SMAD7: variants seen among roughly 807,000 people sequenced by gnomAD.
SMAD7 encodes MAD (mothers against decapentaplegic, Drosophila) homolog 7.
Under a neutral mutation model 38.7 loss-of-function variants are expected in SMAD7, and 8 were observed. The observed-to-expected ratio is 0.21, with a 90% CI of 0.12 to 0.37. The LOEUF (loss-of-function observed/expected upper bound fraction) is 0.37, where lower values mean the gene tolerates loss of function less well. Among genes scored for constraint, SMAD7 ranks in the 10% least tolerant of loss-of-function variants. The pLI is 1.00. For synonymous variants in SMAD7, 327 were observed against 265.1 expected (o/e 1.23, Z -2.27); for missense variants, 477 against 577.9 (o/e 0.83, Z 1.79).
Position 48,942,516 on chromosome 18 carries a change from C to T in SMAD7, c.707G>A (p.Gly236Glu). ...PDAVPSSAET[G>E]GTNYLAPGGL... ...CCCAGGGGCCAGATAATTCGTTCCC[C>T]CTGTTTCAGCGGAGGAAGGCACAGC... Residue 236 changes from glycine to glutamate, a missense_variant, in exon 3 of 4, where the codon GGG (glycine) becomes GAG (glutamate). Physicochemically the swap from Gly to Glu is moderately conservative, Grantham distance 98. Coordinates refer to ENST00000262158, the MANE Select transcript of SMAD7 (RefSeq NM_005904.4). 1 of 1,607,518 alleles carries T rather than the reference C, an allele frequency of 6.2e-7. No individual in the cohort carries two copies. The highest frequency in any genetic ancestry group is 8.5e-7 in the Non-Finnish European group (1 of 1,177,756).
chr18:48,944,480 C>A (rs893795412), intron 2 of SMAD7, among the ~76,000 whole-genome samples: 1 of 152,208 alleles, frequency 6.6e-6, no homozygotes, highest in Non-Finnish European at 1.5e-5. Flanking sequence ...GATTTACAAA[C>A]GTTAATTAAG....
At chr18:48,925,920 G>A (rs1056308777) in intron 3 of SMAD7, among the ~76,000 whole-genome samples, 1 of 152,064 alleles carries the variant, frequency 6.6e-6, no homozygotes, top group Non-Finnish European at 1.5e-5. Context: ...CTAATTTTTT[G>A]TATTTTTAGT....
At chr18:48,923,128 A>G (rs1050233856) in intron 3 of SMAD7, among the ~76,000 whole-genome samples, 1 of 152,144 alleles carries the variant, frequency 6.6e-6, no homozygotes, top group African/African-American at 2.4e-5. Flanking sequence ...ATTTGTTAAC[A>G]AAAATGGGGA....
intron 2 of SMAD7, among the ~76,000 whole-genome samples, chr18:48,947,364 G>T (rs2337108): frequency 0.049 from 7,436 of 152,186 alleles, 231 homozygotes; most frequent in South Asian, 0.092. Flanking sequence ...TTTAATTAGT[G>T]GGGGGAAAGG....
intron 3 of SMAD7, among the ~76,000 whole-genome samples, chr18:48,930,358 T>C (rs2069983046): frequency 1.3e-5 from 2 of 151,744 alleles, no homozygotes; most frequent in South Asian, 2.1e-4. Context: ...AAGCCCCCAC[T>C]CCCTCTGGCG....
chr18:48,948,492 A>C, intron 1 of SMAD7, 55 bp from the exon 2 acceptor site: 2 of 1,258,416 alleles, frequency 1.6e-6, no homozygotes, highest in Non-Finnish European at 2.3e-6. Context: ...AGAGAGATAG[A>C]AACTTATGAT....
intron 3 of SMAD7, among the ~76,000 whole-genome samples, chr18:48,926,738 G>A (rs879798998): frequency 6.6e-6 from 1 of 152,192 alleles, no homozygotes; most frequent in Non-Finnish European, 1.5e-5. Flanking sequence ...TCCCTCCTCA[G>A]GACCCAGGCG....
intron 3 of SMAD7, among the ~76,000 whole-genome samples, chr18:48,929,137 C>T (rs376759733): frequency 6.6e-6 from 1 of 152,106 alleles, no homozygotes; most frequent in Non-Finnish European, 1.5e-5. Flanking sequence ...TGCATGCAGT[C>T]GAATCATTTC....
intron 3 of SMAD7, among the ~76,000 whole-genome samples, chr18:48,925,752 C>CTT (rs36113382): frequency 2.0e-4 from 30 of 148,008 alleles, no homozygotes; most frequent in African/African-American, 7.5e-4. Context: ...AAATGTTTTT[C>CTT]TTTTTTTTTT....
chr18:48,938,000 A>C (rs1041003649), intron 3 of SMAD7, among the ~76,000 whole-genome samples: 1 of 152,216 alleles, frequency 6.6e-6, no homozygotes. Flanking sequence ...GCCCAGGCCC[A>C]GGTTCCCAGT....
intron 3 of SMAD7, among the ~76,000 whole-genome samples, chr18:48,934,405 G>A (rs1016912884): frequency 1.3e-5 from 2 of 152,004 alleles, no homozygotes; most frequent in East Asian, 3.8e-4. Context: ...AGTACCGGGG[G>A]TGGGTAAAAA....
At chr18:48,930,146 T>A (rs894971100) in intron 3 of SMAD7, 1 of 149,834 alleles carries the variant, frequency 6.7e-6, no homozygotes, top group Non-Finnish European at 1.5e-5. Flanking sequence ...TACAACCCAA[T>A]ACCAGGGCCT....
intron 3 of SMAD7, among the ~76,000 whole-genome samples, chr18:48,939,446 G>A (rs1481720181): frequency 2.0e-5 from 2 of 101,786 alleles, no homozygotes; most frequent in Admixed American, 3.0e-4. Flanking sequence ...CCCCGCCCCC[G>A]GGCTCCTACC....
chr18:48,942,727 AAGAC>A, intron 2 of SMAD7, 172 bp from the exon 3 acceptor site: 1 of 1,488,994 alleles, frequency 6.7e-7, no homozygotes, highest in Non-Finnish European at 8.9e-7. Flanking sequence ...TGCCCATCGT[AAGAC>A]AGACCACAGC....
Position 48,921,788 on chromosome 18 carries a change from C to G in SMAD7, c.865G>C (p.Asp289His). Residue 289 changes from aspartate to histidine, a missense_variant, in exon 4 of 4, where the codon GAT becomes CAT. Transcript: ENST00000262158. This position sits in a 1 kb window ranked among gnomAD's most constrained non-coding sequence, Gnocchi z 6.4. The stretch of plus-strand genomic sequence containing the variant: ...CAAAAGCCATTCCCCTGAGGTAGAT[C>G]ATAGAAGATATCCAGAGAGGGCTCC... ...VQEPSLDIFY[D>H]LPQGNGFCLG... 1 of 1,614,192 alleles carries G rather than the reference C, an allele frequency of 6.2e-7. No individual in the cohort carries two copies. The highest frequency in any genetic ancestry group is 8.5e-7 in the Non-Finnish European group (1 of 1,180,046).
At chr18:48,931,142 T>G (rs2143777448) in intron 3 of SMAD7, among the ~76,000 whole-genome samples, 1 of 152,136 alleles carries the variant, frequency 6.6e-6, no homozygotes, top group South Asian at 2.1e-4. Flanking sequence ...GAAAGAATGG[T>G]GGGTGCCAAG....
intron 3 of SMAD7, among the ~76,000 whole-genome samples, chr18:48,938,937 C>T (rs1475454275): frequency 1.3e-5 from 2 of 152,130 alleles, no homozygotes; most frequent in African/African-American, 2.4e-5. Context: ...ACACCCATCC[C>T]AGAGAGTCAG....
chr18:48,931,816 G>A (rs1028088559), intron 3 of SMAD7, among the ~76,000 whole-genome samples: 2 of 152,260 alleles, frequency 1.3e-5, no homozygotes, highest in Non-Finnish European at 2.9e-5. Context: ...AGGAGAGCAG[G>A]CCAGCCTCTA....
At chr18:48,948,001 A>G (rs1270831738) in intron 2 of SMAD7, among the ~76,000 whole-genome samples, 3 of 150,840 alleles carry the variant, frequency 2.0e-5, no homozygotes, top group Admixed American at 2.0e-4. Context: ...CCATCTATCG[A>G]ATCACCCTTT....
Sources: allele counts gnomAD v4.1 joint callset (sites outside exome capture counted in the v4.1 genomes callset), GRCh38; gene constraint gnomAD v4.1.1; non-coding constraint Gnocchi (gnomAD v3.1); transcripts MANE v1.5; gene names NCBI Gene and HGNC (gene_info 2026-07-23, HGNC 2026-07-21).